The following BCAS3 variants were observed in gnomAD, a reference collection of about 807,000 sequenced individuals.
BCAS3 encodes BCAS4/BCAS3 fusion.
Under a neutral mutation model 116.1 loss-of-function variants are expected in BCAS3, and 53 were observed. That is an observed-to-expected ratio of 0.46 (90% CI 0.37 to 0.57). The LOEUF is 0.57. Among genes scored for constraint, BCAS3 ranks in the 20% least tolerant of loss-of-function variants. The pLI, the probability that BCAS3 is intolerant of heterozygous loss-of-function variation, is 0.00. For synonymous variants in BCAS3, 391 were observed against 408.2 expected, an observed-to-expected ratio of 0.96 and a Z score of 0.51; for missense variants, 917 against 1,165.4, an observed-to-expected ratio of 0.79 and a Z score of 3.10.
intron 14 of BCAS3, among the ~76,000 whole-genome samples, chr17:60,980,212 G>T (rs549525218): frequency 2.0e-5 from 3 of 152,192 alleles, no homozygotes; most frequent in East Asian, 1.9e-4. Context: ...ACTTCTGGGC[G>T]GAAGCACTTT....
At chr17:61,284,040 A>G (rs1176720017) in intron 22 of BCAS3, among the ~76,000 whole-genome samples, 2 of 152,058 alleles carry the variant, frequency 1.3e-5, no homozygotes, top group African/African-American at 4.8e-5. Flanking sequence ...TTGGGTGGGG[A>G]CTTGGAGAAC....
intron 7 of BCAS3, among the ~76,000 whole-genome samples, chr17:60,820,457 G>A (rs2049858602): frequency 1.3e-5 from 2 of 152,150 alleles, no homozygotes; most frequent in African/African-American, 2.4e-5. Flanking sequence ...CATAGGATAT[G>A]GCTCAGTCTC....
intron 7 of BCAS3, among the ~76,000 whole-genome samples, chr17:60,849,075 T>C (rs1332045617): frequency 6.6e-6 from 1 of 152,166 alleles, no homozygotes; most frequent in Non-Finnish European, 1.5e-5. Context: ...AGTCAGTGTA[T>C]ATAAACACAG....
At position 61,000,622 on chromosome 17, in the gene BCAS3, A is replaced by G. The variant is rs148954731; in HGVS notation, c.1486+10387A>G. ...GATACTGCTGTTAATGTGAGAGTCTATAGAACTGATTCATTTTTCGTATTT... is the reference window on the plus strand; with the variant it reads ...GATACTGCTGTTAATGTGAGAGTCTGTAGAACTGATTCATTTTTCGTATTT... On this transcript the variant is annotated intron_variant, in intron 15 of 23. Transcript: ENST00000407086. Among the ~76,000 whole-genome samples, 16 of 152,280 alleles carry G rather than the reference A, an allele frequency of 1.1e-4. No homozygotes were observed. In the East Asian group the frequency reaches 2.7e-3, roughly 26 times the overall value.
chr17:60,904,600 GGT>G (rs2058091460), intron 11 of BCAS3, among the ~76,000 whole-genome samples: 1 of 152,160 alleles, frequency 6.6e-6, no homozygotes, highest in Admixed American at 6.5e-5. Flanking sequence ...GGGAGGCTGA[GGT>G]GGGAGGATCA....
At chr17:60,903,151 A>C (rs1016192214) in intron 11 of BCAS3, among the ~76,000 whole-genome samples, 4 of 152,194 alleles carry the variant, frequency 2.6e-5, no homozygotes, top group African/African-American at 9.6e-5. Context: ...TATGCTGATT[A>C]TAAGGTATTC....
At chr17:60,837,726 T>A (rs2051495743) in intron 7 of BCAS3, among the ~76,000 whole-genome samples, 1 of 151,166 alleles carries the variant, frequency 6.6e-6, no homozygotes, top group Non-Finnish European at 1.5e-5. Context: ...CAATCTTGGC[T>A]CACTGCAACC....
rs528111808 is a variant in BCAS3, at chr17:60,892,265, C to T, written c.738+2494C>T. ...TACATTCCCACCAACAGTGTATAAG[C>T]ATCCCCTTTTCTCCATATTCCTGTC... On this transcript the variant is annotated intron_variant, in intron 10 of 23. Coordinates refer to ENST00000407086, the MANE Select transcript of BCAS3 (RefSeq NM_017679.5). Among the ~76,000 whole-genome samples, 9 of 151,890 alleles carry T rather than the reference C, an allele frequency of 5.9e-5. No individual in the cohort carries two copies. The South Asian group carries it at 1.9e-3, about 32-fold the overall frequency.
intron 22 of BCAS3, among the ~76,000 whole-genome samples, chr17:61,148,831 C>CA (rs1224213541): frequency 2.0e-5 from 3 of 151,986 alleles, no homozygotes; most frequent in East Asian, 1.9e-4. Flanking sequence ...GTACTGTTGG[C>CA]AAAAAAATGT....
chr17:60,720,146 CTT>C (rs1274906244), intron 5 of BCAS3: 1 of 151,968 alleles, frequency 6.6e-6, no homozygotes, highest in African/African-American at 2.4e-5. Flanking sequence ...CTTTTCTTTT[CTT>C]TTCTTTTTGA....
At chr17:60,754,862 A>AAACT (rs113095834) in intron 6 of BCAS3, among the ~76,000 whole-genome samples, 109,991 of 151,716 alleles carry the variant, frequency 0.72, 45,575 homozygotes, top group South Asian at 0.98. Context: ...TTAAATGGCT[A>AAACT]AACTATGAGA....
In BCAS3 at chr17:61,083,324, A is replaced by G. The variant is rs945784143; in HGVS notation, c.2328-1143A>G. Among the ~76,000 whole-genome samples the G allele has an allele frequency of 1.3e-5, 2 of 149,756 alleles. No individual in the cohort carries two copies. The highest frequency in any genetic ancestry group is 2.9e-5 in the Non-Finnish European group (2 of 68,024). On this transcript the variant is annotated intron_variant, in intron 21 of 23. Transcript: ENST00000407086. This position sits in a 1 kb window ranked among gnomAD's most constrained non-coding sequence, Gnocchi z 4.9. ...GCATTGTCATGAATGTTCATGTGCT[A>G]TGTCATATATATACACATTGGTCTG...
In BCAS3 at chr17:60,770,838, T is replaced by G. The variant is rs891581289; in HGVS notation, c.403+23559T>G. The stretch of plus-strand genomic sequence containing the variant: ...TTGAACCTAAAACTGAAATTTGTTT[T>G]TTTTTTTTTTTTTTTTTTTTTTTTT... On this transcript the variant is annotated intron_variant, in intron 6 of 23. Transcript: ENST00000407086. Among the ~76,000 whole-genome samples the G allele has an allele frequency of 1.2e-4, 8 of 67,080 alleles. 1 individual carries two copies. The highest frequency in any genetic ancestry group is 7.7e-4 in the South Asian group (2 of 2,594). 44.0% of individuals were successfully genotyped at this position (67,080 alleles called of 152,430 possible).
chr17:60,799,998 A>G (rs893222866), intron 6 of BCAS3, among the ~76,000 whole-genome samples: 6 of 152,124 alleles, frequency 3.9e-5, no homozygotes, highest in Non-Finnish European at 7.4e-5. Context: ...AGGGACATCC[A>G]GGGGTGATTT....
chr17:61,172,397 G>T (rs2078888516), intron 22 of BCAS3, among the ~76,000 whole-genome samples: 1 of 152,132 alleles, frequency 6.6e-6, no homozygotes, highest in African/African-American at 2.4e-5. Flanking sequence ...ACTTTGGGAG[G>T]CCGAGGCGGG....
At chr17:60,939,079 A>G (rs1401507583) in intron 13 of BCAS3, among the ~76,000 whole-genome samples, 1 of 152,208 alleles carries the variant, frequency 6.6e-6, no homozygotes, top group Non-Finnish European at 1.5e-5. Context: ...AAAGAAAAAC[A>G]TGTCCACATG....
chr17:61,177,526 T>G (rs904460046), intron 22 of BCAS3, among the ~76,000 whole-genome samples: 1 of 152,122 alleles, frequency 6.6e-6, no homozygotes, highest in Non-Finnish European at 1.5e-5. Context: ...AAGCAAGAAG[T>G]GGTTTCCTGG....
At chr17:60,847,459 A>G (rs1360552940) in intron 7 of BCAS3, among the ~76,000 whole-genome samples, 2 of 152,212 alleles carry the variant, frequency 1.3e-5, no homozygotes, top group African/African-American at 2.4e-5. Flanking sequence ...GCAGTGGACC[A>G]GAGTTCCAAT....
intron 15 of BCAS3, among the ~76,000 whole-genome samples, chr17:61,009,978 C>T (rs1012040576): frequency 6.6e-6 from 1 of 151,740 alleles, no homozygotes; most frequent in African/African-American, 2.4e-5. Context: ...GTTTATTTTC[C>T]TTGTAGCATC....
Sources: allele counts gnomAD v4.1 joint callset (sites outside exome capture counted in the v4.1 genomes callset), GRCh38; gene constraint gnomAD v4.1.1; non-coding constraint Gnocchi (gnomAD v3.1); transcripts MANE v1.5; gene names NCBI Gene and HGNC (gene_info 2026-07-23, HGNC 2026-07-21).